GPC5: variants seen among roughly 807,000 people sequenced by gnomAD.
The protein encoded by GPC5 is glypican-5.
A neutral mutation model predicts 53.9 loss-of-function variants in GPC5; 47 were observed. That is an observed-to-expected ratio of 0.87 (90% CI 0.69 to 1.11). The LOEUF (loss-of-function observed/expected upper bound fraction) is 1.11. Ranked by LOEUF, GPC5 falls within the 50% of genes most tolerant of loss-of-function variation. The pLI, the probability that GPC5 is intolerant of heterozygous loss-of-function variation, is 0.00. For synonymous variants in GPC5, 286 were observed against 263.3 expected (o/e 1.09, Z -0.84); for missense variants, 748 against 713.1 (o/e 1.05, Z -0.56).
At chr13:92,291,149 C>T (rs892458765) in intron 7 of GPC5, among the ~76,000 whole-genome samples, 119 of 152,240 alleles carry the variant, frequency 7.8e-4, no homozygotes, top group African/African-American at 2.7e-3. Flanking sequence ...GGCTCCTGTG[C>T]GGCCGGAGCC....
chr13:92,790,945 A>G (rs1476905361), intron 7 of GPC5, among the ~76,000 whole-genome samples: 3 of 152,170 alleles, frequency 2.0e-5, no homozygotes, highest in Non-Finnish European at 4.4e-5. Flanking sequence ...AAACTTACCT[A>G]GGTTCAATGG....
At chr13:92,799,598 T>C (rs1187882355) in intron 7 of GPC5, among the ~76,000 whole-genome samples, 1 of 151,840 alleles carries the variant, frequency 6.6e-6, no homozygotes, top group Non-Finnish European at 1.5e-5. Context: ...AAATGGGGAA[T>C]GATAGGTGTA....
At chr13:92,183,486 A>C (rs1406258496) in intron 7 of GPC5, among the ~76,000 whole-genome samples, 1 of 152,188 alleles carries the variant, frequency 6.6e-6, no homozygotes, top group Non-Finnish European at 1.5e-5. Context: ...GTCATTCATT[A>C]ACCATTTAAC....
At chr13:91,691,509 A>G (rs770916917) in intron 2 of GPC5, among the ~76,000 whole-genome samples, 1 of 152,164 alleles carries the variant, frequency 6.6e-6, no homozygotes, top group Non-Finnish European at 1.5e-5. Flanking sequence ...GGAACTAGTT[A>G]CTAGCGATGC....
At chr13:92,100,087 G>A (rs2041453366) in intron 6 of GPC5, among the ~76,000 whole-genome samples, 1 of 152,014 alleles carries the variant, frequency 6.6e-6, no homozygotes, top group Non-Finnish European at 1.5e-5. Flanking sequence ...TCAGCAAAAA[G>A]CCAGGAATAA....
chr13:91,718,050 G>T (rs1156941227), intron 3 of GPC5, among the ~76,000 whole-genome samples: 1 of 152,094 alleles, frequency 6.6e-6, no homozygotes, highest in Non-Finnish European at 1.5e-5. Context: ...GTCAAATTTT[G>T]ATTTTACATG....
intron 7 of GPC5, among the ~76,000 whole-genome samples, chr13:92,268,559 T>C (rs1423154716): frequency 6.6e-6 from 1 of 151,836 alleles, no homozygotes; most frequent in Admixed American, 6.6e-5. Flanking sequence ...CTCTATATGA[T>C]GGATATTTAG....
At chr13:92,539,291 T>G (rs1456824814) in intron 7 of GPC5, among the ~76,000 whole-genome samples, 1 of 151,962 alleles carries the variant, frequency 6.6e-6, no homozygotes, top group Non-Finnish European at 1.5e-5. Flanking sequence ...CCACTAACAG[T>G]GTAAAAGTGT....
intron 5 of GPC5, among the ~76,000 whole-genome samples, chr13:91,808,718 G>A (rs2038262495): frequency 6.6e-6 from 1 of 152,126 alleles, no homozygotes; most frequent in African/African-American, 2.4e-5. Flanking sequence ...ATTCTCCAAA[G>A]TGATACCTTC....
chr13:91,495,278 A>T (rs1355404468), intron 2 of GPC5, among the ~76,000 whole-genome samples: 1 of 152,140 alleles, frequency 6.6e-6, no homozygotes, highest in Non-Finnish European at 1.5e-5. Flanking sequence ...TATTCTTTTT[A>T]ATCTAATTAG....
chr13:92,086,647 C>G (rs528039296), intron 6 of GPC5, among the ~76,000 whole-genome samples: 5 of 151,992 alleles, frequency 3.3e-5, no homozygotes, highest in Middle Eastern at 3.4e-3. Flanking sequence ...ACCTGTCTCT[C>G]TCTCTCTTTT....
At chr13:92,455,232 T>C (rs1216791284) in intron 7 of GPC5, among the ~76,000 whole-genome samples, 1 of 152,174 alleles carries the variant, frequency 6.6e-6, no homozygotes, top group East Asian at 1.9e-4. Flanking sequence ...AGGTGGCCAC[T>C]ATAAATAGTA....
intron 7 of GPC5, among the ~76,000 whole-genome samples, chr13:92,459,097 T>C (rs900723717): frequency 6.6e-6 from 1 of 152,176 alleles, no homozygotes; most frequent in Non-Finnish European, 1.5e-5. Context: ...AATGTATACA[T>C]CTTATCTCAA....
intron 7 of GPC5, among the ~76,000 whole-genome samples, chr13:92,693,341 T>C (rs562398719): frequency 3.9e-5 from 6 of 152,292 alleles, no homozygotes; most frequent in Admixed American, 6.5e-5. Context: ...AGGCTCATAA[T>C]AAGATAGGAG....
chr13:91,691,657 G>A (rs1308941193), intron 2 of GPC5, among the ~76,000 whole-genome samples: 2 of 152,134 alleles, frequency 1.3e-5, no homozygotes, highest in African/African-American at 4.8e-5. Context: ...GGAAATCAAT[G>A]TGAATTAGAT....
At chr13:92,154,556 T>A (rs1225384427) in intron 7 of GPC5, among the ~76,000 whole-genome samples, 1 of 152,190 alleles carries the variant, frequency 6.6e-6, no homozygotes, top group African/African-American at 2.4e-5. Flanking sequence ...TTAAATGTCA[T>A]CATGAACCCA....
At chr13:91,652,151 A>G (rs1028006692) in intron 2 of GPC5, among the ~76,000 whole-genome samples, 2 of 152,226 alleles carry the variant, frequency 1.3e-5, no homozygotes, top group African/African-American at 2.4e-5. Flanking sequence ...CTCAATTGTC[A>G]TCAATAAGAG....
chr13:92,375,516 G>T (rs558870839), intron 7 of GPC5, among the ~76,000 whole-genome samples: 1 of 152,144 alleles, frequency 6.6e-6, no homozygotes, highest in African/African-American at 2.4e-5. Flanking sequence ...AAATCCATCC[G>T]AAGGTGTTCA....
chr13:91,412,282 C>A (rs960863175), intron 1 of GPC5, among the ~76,000 whole-genome samples: 1 of 152,250 alleles, frequency 6.6e-6, no homozygotes, highest in Non-Finnish European at 1.5e-5. Context: ...TATTTCTGTT[C>A]TTAGCCCTTG....
Sources: allele counts gnomAD v4.1 joint callset (sites outside exome capture counted in the v4.1 genomes callset), GRCh38; gene constraint gnomAD v4.1.1; transcripts MANE v1.5; gene names NCBI Gene and HGNC (gene_info 2026-07-23, HGNC 2026-07-21).